Variants in MAP7 observed in about 807,000 individuals in gnomAD.
The protein encoded by MAP7 is ensconsin.
In MAP7, 52 loss-of-function variants were observed where a neutral mutation model predicts 94.8. The observed-to-expected ratio is 0.55, with a 90% CI of 0.44 to 0.69. The LOEUF (loss-of-function observed/expected upper bound fraction) is 0.69, where lower values mean the gene tolerates loss of function less well. MAP7 is among the 30% of genes least tolerant of loss of function. The pLI is 0.00. For missense variants in MAP7, 940 were observed against 964.6 expected, an observed-to-expected ratio of 0.97 and a Z score of 0.34; for synonymous variants, 350 against 357.0, an observed-to-expected ratio of 0.98 and a Z score of 0.22.
chr6:136,526,356 C>A, intron 1 of MAP7: 1 of 996,662 alleles, frequency 1.0e-6, no homozygotes, highest in Non-Finnish European at 1.2e-6. Flanking sequence ...CCCACCACTG[C>A]ACAACCTGTT....
chr6:136,476,319 T>A (rs991200914), intron 1 of MAP7, among the ~76,000 whole-genome samples: 1 of 152,226 alleles, frequency 6.6e-6, no homozygotes, highest in African/African-American at 2.4e-5. Flanking sequence ...TCCAGCCACA[T>A]GTGCCTATTT....
intron 3 of MAP7, among the ~76,000 whole-genome samples, chr6:136,394,931 C>CATATATATATATATATATATATAT (rs144839767): frequency 7.3e-5 from 2 of 27,500 alleles, no homozygotes; most frequent in Non-Finnish European, 1.8e-4. Context: ...AATATTCCAT[C>CATATATATATATATATATATATAT]ATATATATAT....
intron 6 of MAP7, among the ~76,000 whole-genome samples, chr6:136,382,062 G>A (rs1339413834): frequency 6.6e-6 from 1 of 152,176 alleles, no homozygotes; most frequent in Non-Finnish European, 1.5e-5. Flanking sequence ...ACATTAAAGA[G>A]AGGCTCGCAA....
Position 136,383,750 on chromosome 6 carries a change from A to C in MAP7, c.558T>G (p.Asn186Lys). ...DPDRRSVSTMNLSKYVDPVIS... is the reference protein window; with the variant it reads ...DPDRRSVSTMKLSKYVDPVIS... The stretch of plus-strand genomic sequence containing the variant: ...TGACGGGATCAACATATTTCGAAAG[A>C]TTCATGGTGGAAACTGACCGCCTGT... Residue 186 changes from asparagine to lysine, a missense_variant, in exon 6 of 18, where the codon AAT (asparagine) becomes AAG (lysine). Transcript: ENST00000354570. 6.2e-7 allele frequency: 1 copy of C among 1,611,190 alleles called. No individual in the cohort carries two copies. The highest frequency in any genetic ancestry group is 8.5e-7 in the Non-Finnish European group (1 of 1,178,352).
In MAP7 at chr6:136,366,003, A is replaced by T. The variant is rs1294413403; in HGVS notation, c.1005T>A (p.Ser335=). Reference sequence around the variant, plus strand: ...TGGGTGTGCCAGGCAAATGAGGAAGAGACTTGGACGGAAGCCTGGGCCACA... The same window carrying T: ...TGGGTGTGCCAGGCAAATGAGGAAGTGACTTGGACGGAAGCCTGGGCCACA... ...ARSRLWLPSK[S]LPHLPGTPRP... Residue 335 remains serine, a synonymous_variant, in exon 10 of 18, where the codon TCT becomes TCA. Transcript: ENST00000354570. 2 of 1,609,562 alleles carry T rather than the reference A, an allele frequency of 1.2e-6. No homozygotes were observed. Among genetic ancestry groups the T allele is most frequent in the East Asian group, 4.5e-5 (2 of 44,876 alleles).
intron 3 of MAP7, among the ~76,000 whole-genome samples, chr6:136,392,470 CT>C (rs1290347080): frequency 7.3e-6 from 1 of 137,508 alleles, no homozygotes. Context: ...ATCTAAGAGT[CT>C]TTTTAATGGC....
chr6:136,417,523 G>A (rs931768952), intron 2 of MAP7, among the ~76,000 whole-genome samples: 4 of 152,164 alleles, frequency 2.6e-5, no homozygotes, highest in Non-Finnish European at 4.4e-5. Flanking sequence ...ATTTCTGTCA[G>A]CAATTTGTAC....
chr6:136,461,327 A>T (rs906327752), intron 1 of MAP7, among the ~76,000 whole-genome samples: 2 of 152,230 alleles, frequency 1.3e-5, no homozygotes, highest in African/African-American at 4.8e-5. Flanking sequence ...CTGAATACTT[A>T]CATATTTAAA....
chr6:136,429,819 C>T (rs1794361429), intron 1 of MAP7, among the ~76,000 whole-genome samples: 1 of 152,138 alleles, frequency 6.6e-6, no homozygotes, highest in Admixed American at 6.5e-5. Context: ...GATGGCAACA[C>T]TAAAAATAGA....
Position 136,366,423 on chromosome 6 carries a change from C to T in MAP7, c.893G>A (p.Arg298Lys). 3 of 1,612,860 alleles carry T rather than the reference C, an allele frequency of 1.9e-6. No homozygotes were observed. Among genetic ancestry groups the T allele is most frequent in the Non-Finnish European group, 2.5e-6 (3 of 1,178,868 alleles). The change falls in exon 9 of 18, where the codon AGA (arginine) becomes AAA (lysine). Residue 298 changes from arginine (R) to lysine (K), a missense_variant. Physicochemically the swap from Arg to Lys is conservative, Grantham distance 26. Coordinates refer to ENST00000354570, the MANE Select transcript of MAP7 (RefSeq NM_003980.6). ...GAGGAAGAGTACATTTTCTCTCTCT[C>T]TTTCTTTTTTATAGCTCTAAGTTCA... ...IHGTASYKKERERENVLFLTS... is the reference protein window; with the variant it reads ...IHGTASYKKEKERENVLFLTS...
At chr6:136,446,788 TCAC>T (rs1275711014) in intron 1 of MAP7, among the ~76,000 whole-genome samples, 2 of 152,202 alleles carry the variant, frequency 1.3e-5, no homozygotes, top group African/African-American at 4.8e-5. Flanking sequence ...TTAAGGGTAA[TCAC>T]CAACTTTGGC....
At chr6:136,419,965 T>A in intron 2 of MAP7, 1 of 681,970 alleles carries the variant, frequency 1.5e-6, no homozygotes, top group Non-Finnish European at 2.7e-6. Flanking sequence ...GGTTTCTGAG[T>A]GTCTGGTTAC....
At chr6:136,487,311 TAG>T (rs1284750296) in intron 1 of MAP7, among the ~76,000 whole-genome samples, 1 of 152,186 alleles carries the variant, frequency 6.6e-6, no homozygotes, top group African/African-American at 2.4e-5. Flanking sequence ...ACACATACGA[TAG>T]AGTTTATAAA....
intron 3 of MAP7, among the ~76,000 whole-genome samples, chr6:136,392,727 T>C (rs1781151396): frequency 6.6e-6 from 1 of 152,170 alleles, no homozygotes; most frequent in Non-Finnish European, 1.5e-5. Context: ...GTCATACCAA[T>C]TTATATACCC....
At chr6:136,446,880 T>G (rs1799524511) in intron 1 of MAP7, among the ~76,000 whole-genome samples, 1 of 152,188 alleles carries the variant, frequency 6.6e-6, no homozygotes, top group Non-Finnish European at 1.5e-5. Flanking sequence ...TATTAGTCAT[T>G]TCTACACAGA....
chr6:136,488,569 C>T (rs542081105), intron 1 of MAP7, among the ~76,000 whole-genome samples: 49 of 151,684 alleles, frequency 3.2e-4, no homozygotes, highest in African/African-American at 1.2e-3. Context: ...CTCAGCCTCC[C>T]GAGTAGCTGG....
intron 1 of MAP7, among the ~76,000 whole-genome samples, chr6:136,424,327 TAA>T (rs5880295): frequency 0.013 from 1,921 of 143,454 alleles, 11 homozygotes; most frequent in African/African-American, 0.025. Context: ...TTCTTTCATT[TAA>T]AAAAAAAAAA....
chr6:136,388,726 C>T (rs1025877355), intron 4 of MAP7, among the ~76,000 whole-genome samples: 2 of 152,190 alleles, frequency 1.3e-5, no homozygotes, highest in Non-Finnish European at 2.9e-5. Flanking sequence ...TGGCGAACAA[C>T]AGGCATTCAA....
chr6:136,521,522 G>A (rs1276225231), intron 1 of MAP7, among the ~76,000 whole-genome samples: 1 of 152,106 alleles, frequency 6.6e-6, no homozygotes, highest in Non-Finnish European at 1.5e-5. Flanking sequence ...ACATCAATCA[G>A]GTTTTATATA....
Sources: gnomAD v4.1 joint callset for allele counts (sites outside exome capture counted in the v4.1 genomes callset) on GRCh38, gnomAD v4.1.1 for gene constraint, MANE v1.5 for transcripts, NCBI Gene and HGNC (gene_info 2026-07-23, HGNC 2026-07-21) for gene names.